Variants in KCNIP4 observed in about 807,000 individuals in gnomAD.
KCNIP4 encodes potassium voltage-gated channel interacting protein 4, also known as Kv channel-interacting protein 4.
KCNIP4 carries 12 observed loss-of-function variants against 34.0 expected under a neutral mutation model. That is an observed-to-expected ratio of 0.35 (90% CI 0.23 to 0.57). The LOEUF (loss-of-function observed/expected upper bound fraction) is 0.57, where lower values mean the gene tolerates loss of function less well. KCNIP4 is among the 20% of genes least tolerant of loss of function. The pLI is 0.83. For missense variants in KCNIP4, 238 were observed against 311.7 expected, an observed-to-expected ratio of 0.76 and a Z score of 1.78; for synonymous variants, 124 against 102.2, an observed-to-expected ratio of 1.21 and a Z score of -1.29.
intron 1 of KCNIP4, among the ~76,000 whole-genome samples, chr4:21,254,406 T>C (rs1760921011): frequency 6.6e-6 from 1 of 152,198 alleles, no homozygotes; most frequent in Non-Finnish European, 1.5e-5. Flanking sequence ...GAGTATTTGC[T>C]TGTGATGAAT....
At chr4:20,940,259 G>T (rs529551931) in intron 1 of KCNIP4, among the ~76,000 whole-genome samples, 1 of 152,050 alleles carries the variant, frequency 6.6e-6, no homozygotes, top group Non-Finnish European at 1.5e-5. Context: ...TTTCTCAGTC[G>T]TTCTAAAATG....
At chr4:21,819,508 G>C (rs1722198162) in intron 1 of KCNIP4, among the ~76,000 whole-genome samples, 1 of 152,144 alleles carries the variant, frequency 6.6e-6, no homozygotes, top group Non-Finnish European at 1.5e-5. Context: ...TAGACATTAA[G>C]TTTGGTGAAT....
At chr4:21,342,370 A>T (rs1716844814) in intron 1 of KCNIP4, among the ~76,000 whole-genome samples, 2 of 152,172 alleles carry the variant, frequency 1.3e-5, no homozygotes, top group Non-Finnish European at 2.9e-5. Context: ...TAGGAAAAAA[A>T]GTTACTTGTG....
At chr4:21,047,668 T>G (rs1742554670) in intron 1 of KCNIP4, among the ~76,000 whole-genome samples, 1 of 152,216 alleles carries the variant, frequency 6.6e-6, no homozygotes, top group Non-Finnish European at 1.5e-5. Context: ...CTGGCCTATT[T>G]GATTTTAGTC....
At chr4:21,475,472 C>T (rs184056709) in intron 1 of KCNIP4, among the ~76,000 whole-genome samples, 13 of 152,252 alleles carry the variant, frequency 8.5e-5, no homozygotes, top group African/African-American at 2.6e-4. Context: ...CTCCACTCAC[C>T]GACTTTTCCA....
chr4:20,735,906 G>T (rs1007420692), intron 5 of KCNIP4, among the ~76,000 whole-genome samples: 5 of 152,130 alleles, frequency 3.3e-5, no homozygotes, highest in Non-Finnish European at 7.4e-5. Context: ...TCCACTTTTA[G>T]GTAGGAATGA....
At chr4:21,149,681 G>C (rs1264152054) in intron 1 of KCNIP4, among the ~76,000 whole-genome samples, 1 of 152,174 alleles carries the variant, frequency 6.6e-6, no homozygotes, top group Non-Finnish European at 1.5e-5. Flanking sequence ...TAGGAAGGAA[G>C]CTTTGGTTAC....
intron 1 of KCNIP4, among the ~76,000 whole-genome samples, chr4:21,342,149 G>A (rs62294096): frequency 1.2e-4 from 19 of 152,020 alleles, no homozygotes; most frequent in Admixed American, 9.8e-4. Flanking sequence ...GACAAGGCAC[G>A]GGGTAGGAAG....
At chr4:21,152,993 A>G (rs776922375) in intron 1 of KCNIP4, among the ~76,000 whole-genome samples, 5 of 152,176 alleles carry the variant, frequency 3.3e-5, no homozygotes, top group African/African-American at 4.8e-5. Flanking sequence ...GAAGTTCTTC[A>G]TTCTTTAATT....
At chr4:20,843,732 G>GAAAAC (rs767720784) in intron 3 of KCNIP4, among the ~76,000 whole-genome samples, 19 of 152,110 alleles carry the variant, frequency 1.2e-4, no homozygotes, top group East Asian at 1.9e-4. Context: ...TCCGTCTCAA[G>GAAAAC]AAAACAAAAC....
At chr4:20,815,374 G>A (rs1310245036) in intron 3 of KCNIP4, among the ~76,000 whole-genome samples, 7 of 152,140 alleles carry the variant, frequency 4.6e-5, no homozygotes, top group African/African-American at 1.4e-4. Context: ...ACCACTGAGG[G>A]AAGGAATTGT....
intron 1 of KCNIP4, among the ~76,000 whole-genome samples, chr4:21,915,691 G>T (rs1231377471): frequency 6.6e-6 from 1 of 152,180 alleles, no homozygotes; most frequent in African/African-American, 2.4e-5. Context: ...CATAGTATGT[G>T]CCAGGCAGGC....
intron 1 of KCNIP4, among the ~76,000 whole-genome samples, chr4:21,487,052 C>A (rs2322966): frequency 0.16 from 24,369 of 151,980 alleles, 2,125 homozygotes; most frequent in Admixed American, 0.22. Flanking sequence ...CCTCCCACAT[C>A]GGCCTCCCAA....
Position 21,726,288 on chromosome 4 carries a change from AG to A in KCNIP4, c.61+222282del, listed in dbSNP as rs1715187639. On this transcript the variant is annotated intron_variant, in intron 1 of 8. Transcript: ENST00000382152. ...CAAGCAATGAAGCAGTTGTTCCCTC[AG>A]TAGCCAGCTCCAACAGCCTTTACAG... Among the ~76,000 whole-genome samples, 3 of 152,182 alleles carry A rather than the reference AG, an allele frequency of 2.0e-5. No individual in the cohort carries two copies. In the East Asian group the frequency reaches 5.8e-4, roughly 29 times the overall value.
At chr4:21,066,558 C>A (rs116151311) in intron 1 of KCNIP4, among the ~76,000 whole-genome samples, 3,536 of 152,068 alleles carry the variant, frequency 0.023, 125 homozygotes, top group African/African-American at 0.08. Flanking sequence ...TGCCATGCGG[C>A]ACTGAGAGAA....
At chr4:20,855,813 G>C (rs975866216) in intron 2 of KCNIP4, among the ~76,000 whole-genome samples, 1 of 152,106 alleles carries the variant, frequency 6.6e-6, no homozygotes, top group Non-Finnish European at 1.5e-5. Context: ...CTTCAGAATA[G>C]TGACGGATGA....
At chr4:21,876,106 T>C (rs1269946913) in intron 1 of KCNIP4, among the ~76,000 whole-genome samples, 1 of 152,104 alleles carries the variant, frequency 6.6e-6, no homozygotes, top group Non-Finnish European at 1.5e-5. Flanking sequence ...ATAAAGAAAA[T>C]TAATCATATT....
chr4:21,859,265 A>T (rs1724926369), intron 1 of KCNIP4, among the ~76,000 whole-genome samples: 1 of 152,114 alleles, frequency 6.6e-6, no homozygotes, highest in Non-Finnish European at 1.5e-5. Flanking sequence ...CGAGAGAGAC[A>T]GACACTTGAC....
At chr4:20,988,102 G>A (rs866334606) in intron 1 of KCNIP4, among the ~76,000 whole-genome samples, 1 of 151,250 alleles carries the variant, frequency 6.6e-6, no homozygotes, top group African/African-American at 2.4e-5. Context: ...GGCTTTCAAA[G>A]GTTAATCCAC....
Sources: gnomAD v4.1 joint callset for allele counts (sites outside exome capture counted in the v4.1 genomes callset) on GRCh38, gnomAD v4.1.1 for gene constraint, MANE v1.5 for transcripts, NCBI Gene and HGNC (gene_info 2026-07-23, HGNC 2026-07-21) for gene names.